The following PAK5 variants were observed in gnomAD, a reference collection of about 807,000 sequenced individuals.
The protein encoded by PAK5 is p21 (RAC1) activated kinase 5, also known as serine/threonine-protein kinase PAK 5.
A neutral mutation model predicts 65.9 loss-of-function variants in PAK5; 16 were observed. The ratio of observed to expected loss-of-function variants is 0.24; its 90% CI spans 0.16 to 0.37. The LOEUF is 0.37. Among genes scored for constraint, PAK5 ranks in the 10% least tolerant of loss-of-function variants. PAK5 has a pLI of 1.00. For synonymous variants in PAK5, 371 were observed against 354.9 expected (o/e 1.05, Z -0.51); for missense variants, 785 against 903.9 (o/e 0.87, Z 1.69).
intron 1 of PAK5, among the ~76,000 whole-genome samples, chr20:9,791,967 C>A (rs1443321904): frequency 2.6e-5 from 4 of 152,076 alleles, no homozygotes; most frequent in Admixed American, 2.6e-4. Flanking sequence ...TCTGCCTGTA[C>A]CTCCTTCACA....
intron 4 of PAK5, among the ~76,000 whole-genome samples, chr20:9,570,320 A>G (rs550567294): frequency 6.6e-6 from 1 of 152,336 alleles, no homozygotes; most frequent in Admixed American, 6.5e-5. Context: ...CCTGTGGTAT[A>G]TATATTCCTA....
intron 3 of PAK5, among the ~76,000 whole-genome samples, chr20:9,599,394 A>C (rs1006780262): frequency 6.6e-6 from 1 of 152,202 alleles, no homozygotes; most frequent in Non-Finnish European, 1.5e-5. Context: ...TGCTAGAGTT[A>C]AGTCCACGTT....
chr20:9,618,403 CTTT>C (rs58376139), intron 3 of PAK5, among the ~76,000 whole-genome samples: 7 of 129,774 alleles, frequency 5.4e-5, no homozygotes, highest in African/African-American at 1.2e-4. Flanking sequence ...CGGCCTGGAA[CTTT>C]TTTTTTTTTT....
intron 4 of PAK5, among the ~76,000 whole-genome samples, chr20:9,574,900 A>T (rs772786838): frequency 7.9e-5 from 12 of 152,192 alleles, no homozygotes; most frequent in Non-Finnish European, 1.3e-4. Context: ...TAGCACTGTC[A>T]TTCCATAACC....
chr20:9,619,627 T>C (rs1052028121), intron 3 of PAK5, among the ~76,000 whole-genome samples: 1 of 152,248 alleles, frequency 6.6e-6, no homozygotes, highest in African/African-American at 2.4e-5. Context: ...CCCCTTGCAT[T>C]GCTGGATAAC....
At chr20:9,762,317 G>T (rs959548226) in intron 1 of PAK5, among the ~76,000 whole-genome samples, 4 of 152,142 alleles carry the variant, frequency 2.6e-5, no homozygotes, top group Non-Finnish European at 4.4e-5. Context: ...TTAACAAAAT[G>T]AAAAGACAAC....
chr20:9,828,917 C>A (rs1354253148), intron 1 of PAK5, among the ~76,000 whole-genome samples: 1 of 151,968 alleles, frequency 6.6e-6, no homozygotes, highest in Non-Finnish European at 1.5e-5. Flanking sequence ...GTGATGGAAC[C>A]AATATTGATT....
chr20:9,805,829 C>T (rs2049225163), intron 1 of PAK5, among the ~76,000 whole-genome samples: 1 of 152,138 alleles, frequency 6.6e-6, no homozygotes, highest in African/African-American at 2.4e-5. Flanking sequence ...GGTTGCAGAA[C>T]TCTTTCAATA....
intron 3 of PAK5, among the ~76,000 whole-genome samples, chr20:9,608,379 T>A (rs6086957): frequency 0.28 from 42,045 of 152,170 alleles, 7,509 homozygotes; most frequent in African/African-American, 0.51. Context: ...AATGAAAAGT[T>A]AGGAAGTTTC....
intron 1 of PAK5, among the ~76,000 whole-genome samples, chr20:9,743,856 T>A (rs2048477627): frequency 6.6e-6 from 1 of 152,192 alleles, no homozygotes; most frequent in Non-Finnish European, 1.5e-5. Flanking sequence ...TTACCTTACA[T>A]GGCAAAAACT....
intron 3 of PAK5, among the ~76,000 whole-genome samples, chr20:9,626,635 G>A (rs897099310): frequency 1.1e-4 from 16 of 152,156 alleles, no homozygotes; most frequent in Non-Finnish European, 1.5e-4. Context: ...GAAGTGAGGC[G>A]GTGTCCAGCA....
intron 7 of PAK5, among the ~76,000 whole-genome samples, chr20:9,551,908 C>T (rs73241754): frequency 6.6e-6 from 1 of 152,024 alleles, no homozygotes; most frequent in South Asian, 2.1e-4. Flanking sequence ...ATAACAGTGG[C>T]CAGAAAAAGA....
intron 1 of PAK5, among the ~76,000 whole-genome samples, chr20:9,717,029 G>A (rs2017487704): frequency 6.6e-6 from 1 of 151,104 alleles, no homozygotes. Context: ...AGGTTGCAGT[G>A]AGCTGAGATC....
intron 1 of PAK5, among the ~76,000 whole-genome samples, chr20:9,741,333 T>A (rs997364962): frequency 4.6e-5 from 7 of 152,102 alleles, no homozygotes; most frequent in Non-Finnish European, 1.0e-4. Flanking sequence ...TCCTTTAGAT[T>A]ACCCTTGAGC....
Position 9,578,568 on chromosome 20 carries a change from G to A in PAK5, c.990+1577C>T, listed in dbSNP as rs550567631. Among the ~76,000 whole-genome samples, 29 of 152,188 alleles carry A rather than the reference G, an allele frequency of 1.9e-4. No individual in the cohort carries two copies. The East Asian group carries it at 2.3e-3, about 12-fold the overall frequency. On this transcript the variant is annotated intron_variant, in intron 4 of 9. Transcript: ENST00000353224. ...ACACAAATATGCAAATAAGCCACAC[G>A]CACACAAAATCTTAGATAAAAAAAT...
chr20:9,658,683 G>T (rs1360215140), intron 2 of PAK5, among the ~76,000 whole-genome samples: 1 of 152,078 alleles, frequency 6.6e-6, no homozygotes, highest in Non-Finnish European at 1.5e-5. Context: ...TTAAAAACTG[G>T]CTATGGAAAA....
chr20:9,743,214 A>T (rs1569068935), intron 1 of PAK5, among the ~76,000 whole-genome samples: 2 of 151,762 alleles, frequency 1.3e-5, no homozygotes, highest in Non-Finnish European at 2.9e-5. Flanking sequence ...CGAAAATAAT[A>T]AAAAAATTAG....
intron 1 of PAK5, among the ~76,000 whole-genome samples, chr20:9,726,953 T>A (rs748860679): frequency 6.6e-6 from 1 of 152,210 alleles, no homozygotes. Flanking sequence ...GAGTTTGGAA[T>A]GCCTGGTCCA....
chr20:9,820,036 G>A (rs2049401549), intron 1 of PAK5, among the ~76,000 whole-genome samples: 1 of 152,074 alleles, frequency 6.6e-6, no homozygotes, highest in Non-Finnish European at 1.5e-5. Context: ...TTGAGCTCCC[G>A]ATCCAACTGT....
Sources: gnomAD v4.1 joint callset for allele counts (sites outside exome capture counted in the v4.1 genomes callset) on GRCh38, gnomAD v4.1.1 for gene constraint, MANE v1.5 for transcripts, NCBI Gene and HGNC (gene_info 2026-07-23, HGNC 2026-07-21) for gene names.